The following NBPF11 variants were observed in gnomAD, a reference collection of about 807,000 sequenced individuals.
NBPF11 encodes NBPF member 11.
A neutral mutation model predicts 93.9 loss-of-function variants in NBPF11; 72 were observed. That is an observed-to-expected ratio of 0.77 (90% CI 0.63 to 0.93). The LOEUF (loss-of-function observed/expected upper bound fraction) is 0.93, where lower values mean the gene tolerates loss of function less well. Ranked by LOEUF, NBPF11 falls within the 40% of genes least tolerant of loss-of-function variation. The probability of loss-of-function intolerance (pLI) is 0.00; values close to 1 mark genes in which losing one functional copy is unlikely to be tolerated. For synonymous variants in NBPF11, 224 were observed against 304.9 expected (o/e 0.73, Z 2.76); for missense variants, 705 against 802.2 (o/e 0.88, Z 1.46).
chr1:148,106,737 A>T (rs1663729260), intron 20 of NBPF11, among the ~76,000 whole-genome samples: 1 of 148,666 alleles, frequency 6.7e-6, no homozygotes, highest in Admixed American at 6.7e-5. Flanking sequence ...ATGGCTGGAG[A>T]CTAGGAATAG....
intron 9 of NBPF11, 52 bp downstream of exon 9, chr1:148,122,003 G>T: frequency 3.9e-6 from 4 of 1,019,156 alleles, no homozygotes; most frequent in Admixed American, 1.7e-5. Flanking sequence ...CCTCAGAATT[G>T]ATCTTCCATA....
chr1:148,147,526 G>T (rs1673374532), intron 1 of NBPF11, among the ~76,000 whole-genome samples: 1 of 151,976 alleles, frequency 6.6e-6, no homozygotes, highest in Non-Finnish European at 1.5e-5. Context: ...GCAGCGCCCG[G>T]GCCAGTGCTG....
chr1:148,116,914 A>G (rs1666697685), intron 12 of NBPF11, among the ~76,000 whole-genome samples: 1 of 152,200 alleles, frequency 6.6e-6, no homozygotes, highest in South Asian at 2.1e-4. Context: ...TCTTAGAAGC[A>G]AACTTGTCCC....
chr1:148,144,497 C>T (rs2149300548), intron 1 of NBPF11, among the ~76,000 whole-genome samples: 1 of 151,736 alleles, frequency 6.6e-6, no homozygotes, highest in African/African-American at 2.4e-5. Context: ...CAGGCGAGGT[C>T]AAGTACTGAG....
intron 20 of NBPF11, 141 bp downstream of exon 20, chr1:148,106,801 T>C: frequency 1.4e-6 from 1 of 703,860 alleles, no homozygotes; most frequent in South Asian, 1.5e-5. Context: ...GACTACAGTT[T>C]CATTACAACC....
At chr1:148,127,996 TTTGA>T (rs1669523484) in intron 4 of NBPF11, among the ~76,000 whole-genome samples, 2 of 150,514 alleles carry the variant, frequency 1.3e-5, no homozygotes, top group African/African-American at 2.5e-5. Flanking sequence ...CACTAATTTG[TTTGA>T]TTGTGTTTTT....
At chr1:148,112,993 C>A (rs1300489711) in intron 15 of NBPF11, among the ~76,000 whole-genome samples, 2 of 151,864 alleles carry the variant, frequency 1.3e-5, no homozygotes, top group South Asian at 4.1e-4. Flanking sequence ...AAGGAACAAC[C>A]GGTACCAGCC....
intron 2 of NBPF11, among the ~76,000 whole-genome samples, chr1:148,143,181 A>G (rs1672471912): frequency 6.6e-6 from 1 of 151,982 alleles, no homozygotes; most frequent in Non-Finnish European, 1.5e-5. Context: ...TGAAGAGAAC[A>G]TGTCCTCTCC....
chr1:148,146,391 C>T (rs1673080931), intron 1 of NBPF11: 8 of 1,589,834 alleles, frequency 5.0e-6, no homozygotes, highest in East Asian at 2.3e-5. Flanking sequence ...GGGCGGCGCC[C>T]GCCATGAACG....
At position 148,108,692 on chromosome 1, in the gene NBPF11, G is replaced by A. The variant is rs1447060858; in HGVS notation, c.1854-38C>T. On this transcript the variant is annotated intron_variant, in intron 17 of 23. Coordinates refer to ENST00000682118, the MANE Select transcript of NBPF11 (RefSeq NM_001385469.3). Reference sequence around the variant, plus strand: ...GAAAAAGTAAAGAATAAGCCAGGGGGAATCAGAAACCACACAGCCCCAGCT... The same window carrying A: ...GAAAAAGTAAAGAATAAGCCAGGGGAAATCAGAAACCACACAGCCCCAGCT... 4.3e-5 allele frequency: 34 copies of A among 793,788 alleles called. No individual in the cohort carries two copies. In the East Asian group the frequency reaches 6.9e-4, roughly 16 times the overall value. 49.2% of individuals were successfully genotyped at this position (793,788 alleles called of 1,614,324 possible). A position where few individuals can be genotyped will look rare whatever the true frequency, so the allele number is the denominator to read the frequency against.
chr1:148,120,577 C>T lies in NBPF11; in HGVS notation c.912G>A (p.Gln304=), dbSNP rs1173465299. 1 of 1,363,726 alleles carries T rather than the reference C, an allele frequency of 7.3e-7. No homozygotes were observed. Among genetic ancestry groups the T allele is most frequent in the Non-Finnish European group, 1.0e-6 (1 of 952,554 alleles). 84.5% of individuals were successfully genotyped at this position (1,363,726 alleles called of 1,614,324 possible). Reference sequence around the variant, plus strand: ...ATTTCTCTTTGAGGCTTCTGAACTGCTGTTTCTTCTCTGCCAGCTGGGGGC... The same window carrying T: ...ATTTCTCTTTGAGGCTTCTGAACTGTTGTTTCTTCTCTGCCAGCTGGGGGC... The part of the protein sequence containing the change: ...KLCPQLAEKK[Q]QFRSLKEKCF... Residue 304 remains glutamine (Q), a synonymous_variant, in exon 10 of 24, where the codon CAG becomes CAA. Transcript: ENST00000682118.
In NBPF11 at chr1:148,120,612, C is replaced by A; in HGVS notation, c.877G>T (p.Glu293Ter). ...KAEMNILEIN[E>*]KLCPQLAEKK... ...TCTGCCAGCTGGGGGCACAATTTCT[C>A]ATTGATTTCTAGAATGTTCATCTCT... The change falls in exon 10 of 24, where the codon GAG becomes TAG. Residue 293 changes from glutamate to a stop codon, truncating the protein, a stop_gained. Transcript: ENST00000682118. LOFTEE classifies it high-confidence loss of function. 1 of 1,515,544 alleles carries A rather than the reference C, an allele frequency of 6.6e-7. No homozygotes were observed. Among genetic ancestry groups the A allele is most frequent in the South Asian group, 1.1e-5 (1 of 89,232 alleles). 93.9% of individuals were successfully genotyped at this position (1,515,544 alleles called of 1,614,324 possible).
chr1:148,107,998 G>A (rs1362142165), intron 18 of NBPF11, among the ~76,000 whole-genome samples: 1 of 132,704 alleles, frequency 7.5e-6, no homozygotes, highest in Non-Finnish European at 1.7e-5. Context: ...AATATCATTT[G>A]TCCCAAGTTT....
At chr1:148,124,130 G>A (rs1238595944) in intron 6 of NBPF11, 63 bp from the exon 7 acceptor site, 35 of 1,590,542 alleles carry the variant, frequency 2.2e-5, no homozygotes, top group Non-Finnish European at 2.8e-5. Context: ...TTCAAATATT[G>A]CAACAGAGAT....
chr1:148,120,633 T>C lies in NBPF11; in HGVS notation c.856A>G (p.Met286Val), dbSNP rs1667602313. The C allele has an allele frequency of 3.2e-6, 5 of 1,541,690 alleles. No homozygotes were observed. Among genetic ancestry groups the C allele is most frequent in the African/African-American group, 2.7e-5 (2 of 73,284 alleles). Residue 286 changes from methionine (M) to valine (V), a missense_variant, in exon 10 of 24, where the codon ATG (methionine) becomes GTG (valine). Physicochemically the swap from Met to Val is conservative, Grantham distance 21. Coordinates refer to ENST00000682118, the MANE Select transcript of NBPF11 (RefSeq NM_001385469.3). Reference sequence around the variant, plus strand: ...TTCTCATTGATTTCTAGAATGTTCATCTCTGCCTTCTCGCTGGACAAAGGG... The same window carrying C: ...TTCTCATTGATTTCTAGAATGTTCACCTCTGCCTTCTCGCTGGACAAAGGG... Reference protein sequence around the residue: ...AGPLSSEKAEMNILEINEKLC... With the variant: ...AGPLSSEKAEVNILEINEKLC...
chr1:148,129,275 C>T (rs1312050776), intron 4 of NBPF11, among the ~76,000 whole-genome samples: 1 of 146,366 alleles, frequency 6.8e-6, no homozygotes, highest in Non-Finnish European at 1.5e-5. Flanking sequence ...CGTGTATATA[C>T]ATAATATACA....
chr1:148,124,516 T>A (rs1341811609), intron 6 of NBPF11, among the ~76,000 whole-genome samples: 1 of 150,456 alleles, frequency 6.6e-6, no homozygotes, highest in Non-Finnish European at 1.5e-5. Context: ...GAAGGCAACA[T>A]TGATTGAGTG....
At chr1:148,106,327 C>T in intron 20 of NBPF11, 95 bp from the exon 21 acceptor site, 1 of 712,088 alleles carries the variant, frequency 1.4e-6, no homozygotes, top group Non-Finnish European at 2.6e-6. Context: ...ATCTCAGGCT[C>T]CTCAGCATGA....
intron 20 of NBPF11, 109 bp from the exon 21 acceptor site, chr1:148,106,341 C>G (rs1663608416): frequency 6.9e-6 from 5 of 728,258 alleles, no homozygotes; most frequent in South Asian, 2.8e-5. Flanking sequence ...AGCATGAGAA[C>G]AGGACAATGT....
Sources: allele counts gnomAD v4.1 joint callset (sites outside exome capture counted in the v4.1 genomes callset), GRCh38; gene constraint gnomAD v4.1.1; transcripts MANE v1.5; gene names NCBI Gene and HGNC (gene_info 2026-07-23, HGNC 2026-07-21).